The following CCDC63 variants were observed in gnomAD, a reference collection of about 807,000 sequenced individuals.
CCDC63 encodes the protein coiled-coil domain containing 63.
A neutral mutation model predicts 63.6 loss-of-function variants in CCDC63; 54 were observed. The ratio of observed to expected loss-of-function variants is 0.85; its 90% CI spans 0.68 to 1.07. CCDC63 has a LOEUF of 1.07. Among genes scored for constraint, CCDC63 ranks in the 50% least tolerant of loss-of-function variants. The pLI is 0.00. For synonymous variants in CCDC63, 253 were observed against 266.1 expected (o/e 0.95, Z 0.48); for missense variants, 637 against 689.6 (o/e 0.92, Z 0.86).
At chr12:110,865,567 G>A (rs538262846) in intron 4 of CCDC63, among the ~76,000 whole-genome samples, 7 of 151,588 alleles carry the variant, frequency 4.6e-5, no homozygotes, top group African/African-American at 9.7e-5. Flanking sequence ...TTTAGAAACC[G>A]AAAGATCTGG....
intron 4 of CCDC63, among the ~76,000 whole-genome samples, chr12:110,868,539 G>A (rs976449788): frequency 2.0e-5 from 3 of 150,902 alleles, no homozygotes; most frequent in East Asian, 2.0e-4. Flanking sequence ...AGACCGGCCC[G>A]GCCAACACAG....
chr12:110,904,761 G>A lies in CCDC63; in HGVS notation c.1516G>A (p.Ala506Thr), dbSNP rs748821671. 6.2e-7 allele frequency: 1 copy of A among 1,612,286 alleles called. No homozygotes were observed. Among genetic ancestry groups the A allele is most frequent in the Non-Finnish European group, 8.5e-7 (1 of 1,179,488 alleles). Residue 506 changes from alanine (A) to threonine (T), a missense_variant, in exon 11 of 12, where the codon GCT becomes ACT. By Grantham distance (58) the Ala-to-Thr change is moderately conservative (BLOSUM62 0). Transcript: ENST00000308208. ...PIKVIPPVLG[A>T]DPFSDRLDDV... ...CAAAGTCATCCCCCCAGTGCTGGGG[G>A]CTGACCCCTTCAGCGACAGGTTGGA...
chr12:110,859,765 T>C (rs1180603408), intron 4 of CCDC63, among the ~76,000 whole-genome samples: 1 of 152,140 alleles, frequency 6.6e-6, no homozygotes, highest in African/African-American at 2.4e-5. Context: ...CCTCTCATTA[T>C]CTGGAAGGCA....
chr12:110,875,848 T>C (rs1415395189), intron 5 of CCDC63, among the ~76,000 whole-genome samples: 1 of 152,174 alleles, frequency 6.6e-6, no homozygotes, highest in Non-Finnish European at 1.5e-5. Flanking sequence ...TCCCAGCACT[T>C]TGGGAGGCCA....
rs139039299 is a variant in CCDC63, at chr12:110,881,393, G to A, written c.853+97G>A. 8.0e-4 allele frequency: 1,015 copies of A among 1,261,770 alleles called. 1 individual carries two copies. Among genetic ancestry groups the A allele is most frequent in the Non-Finnish European group, 1.1e-3 (982 of 912,718 alleles). The allele number at this position is 1,261,770 out of a possible 1,614,324, so 78.2% of individuals were successfully genotyped here. ...TAAGTGAAGGTGCCCAAGTCTCCTT[G>A]TGGTTGTCAAATTTAGCAAATAAAG... is the stretch of plus-strand genomic sequence containing the variant. On this transcript the variant is annotated intron_variant, in intron 7 of 11. Coordinates refer to ENST00000308208, the MANE Select transcript of CCDC63 (RefSeq NM_152591.3).
At chr12:110,866,953 C>A (rs2070960384) in intron 4 of CCDC63, among the ~76,000 whole-genome samples, 4 of 132,568 alleles carry the variant, frequency 3.0e-5, no homozygotes, top group East Asian at 2.3e-4. Flanking sequence ...GGGGGCTGAC[C>A]CCCCCACCTC....
intron 4 of CCDC63, among the ~76,000 whole-genome samples, chr12:110,868,015 C>T (rs1422718252): frequency 2.1e-5 from 3 of 140,054 alleles, no homozygotes; most frequent in East Asian, 2.2e-4. Context: ...ACTTCTCAGA[C>T]GGGGCGGCCG....
intron 7 of CCDC63, among the ~76,000 whole-genome samples, chr12:110,882,335 G>T (rs577704790): frequency 6.6e-6 from 1 of 151,982 alleles, no homozygotes; most frequent in Non-Finnish European, 1.5e-5. Context: ...AAATGAGCAA[G>T]ACCCCATCTC....
At chr12:110,856,732 G>A (rs1017983358) in intron 3 of CCDC63, among the ~76,000 whole-genome samples, 2 of 152,050 alleles carry the variant, frequency 1.3e-5, no homozygotes, top group Admixed American at 1.3e-4. Flanking sequence ...AGCCAAATCT[G>A]GCTGGCTGCT....
Position 110,853,468 on chromosome 12 carries a change from C to T in CCDC63, c.73C>T (p.Gln25Ter). 3 of 1,614,162 alleles carry T rather than the reference C, an allele frequency of 1.9e-6. No homozygotes were observed. Among genetic ancestry groups the T allele is most frequent in the Non-Finnish European group, 2.5e-6 (3 of 1,180,010 alleles). ...PQEPSEKAKE[Q>*]QAEAELRKLR... ...GGAACCTTCGGAGAAGGCCAAAGAG[C>T]AGCAGGCGGAGGCAGAGCTCCGGAA... The change falls in exon 3 of 12, where the codon CAG becomes TAG. Residue 25 changes from glutamine (Q) to a stop codon, truncating the protein, a stop_gained. Coordinates refer to ENST00000308208, the MANE Select transcript of CCDC63 (RefSeq NM_152591.3). LOFTEE classifies it high-confidence loss of function.
chr12:110,848,020 C>G (rs1225964694), intron 1 of CCDC63, among the ~76,000 whole-genome samples: 2 of 152,274 alleles, frequency 1.3e-5, no homozygotes, highest in African/African-American at 4.8e-5. Flanking sequence ...CCTGACGTCC[C>G]CTGACCTGGG....
intron 2 of CCDC63, 107 bp downstream of exon 2, chr12:110,853,070 C>T: frequency 8.1e-7 from 1 of 1,236,704 alleles, no homozygotes; most frequent in South Asian, 1.3e-5. Flanking sequence ...GATCTGTGCT[C>T]ACCCATTTTG....
chr12:110,886,744 A>G (rs1189588366), intron 8 of CCDC63, among the ~76,000 whole-genome samples: 3 of 151,592 alleles, frequency 2.0e-5, no homozygotes, highest in Admixed American at 6.6e-5. Flanking sequence ...TGCAGGTCCC[A>G]GGCAGGGCAT....
chr12:110,876,105 C>CA (rs35045738), intron 5 of CCDC63, among the ~76,000 whole-genome samples: 9,500 of 86,462 alleles, frequency 0.11, 412 homozygotes, highest in East Asian at 0.23. Context: ...GAACCTGTCT[C>CA]AAAAAAAAAA....
intron 4 of CCDC63, among the ~76,000 whole-genome samples, chr12:110,872,974 C>G (rs933678862): frequency 6.6e-6 from 1 of 152,134 alleles, no homozygotes; most frequent in African/African-American, 2.4e-5. Flanking sequence ...TGGCTCATGC[C>G]TGTAATCCCA....
intron 8 of CCDC63, among the ~76,000 whole-genome samples, chr12:110,892,086 G>A (rs1024057325): frequency 1.3e-5 from 2 of 152,068 alleles, no homozygotes; most frequent in East Asian, 1.9e-4. Flanking sequence ...CAACAGAATC[G>A]GAAGCCCTGG....
intron 4 of CCDC63, among the ~76,000 whole-genome samples, chr12:110,869,796 CTAA>C (rs1421623166): frequency 6.6e-6 from 1 of 152,106 alleles, no homozygotes; most frequent in Non-Finnish European, 1.5e-5. Context: ...GTCAATTATC[CTAA>C]TGAGTAAAGT....
intron 10 of CCDC63, among the ~76,000 whole-genome samples, chr12:110,900,861 G>A (rs1427636025): frequency 6.6e-6 from 1 of 152,156 alleles, no homozygotes; most frequent in Non-Finnish European, 1.5e-5. Flanking sequence ...GCCTCCTAAA[G>A]TGCTGGGATT....
intron 10 of CCDC63, among the ~76,000 whole-genome samples, chr12:110,902,889 T>TTA (rs1206916055): frequency 6.7e-6 from 1 of 149,994 alleles, no homozygotes; most frequent in Non-Finnish European, 1.5e-5. Flanking sequence ...GGCTAATTTT[T>TTA]TTTTTTTTTT....
Sources: allele counts gnomAD v4.1 joint callset (sites outside exome capture counted in the v4.1 genomes callset), GRCh38; gene constraint gnomAD v4.1.1; transcripts MANE v1.5; gene names NCBI Gene and HGNC (gene_info 2026-07-23, HGNC 2026-07-21).